Variants in NTNG2 observed in about 807,000 individuals in gnomAD.
NTNG2 encodes netrin-G2.
In NTNG2, 15 loss-of-function variants were observed where a neutral mutation model predicts 47.6. The observed-to-expected ratio is 0.32, with a 90% CI of 0.21 to 0.49. The LOEUF (loss-of-function observed/expected upper bound fraction) is 0.49. Among genes scored for constraint, NTNG2 ranks in the 20% least tolerant of loss-of-function variants. NTNG2 has a pLI of 0.99. For synonymous variants in NTNG2, 307 were observed against 324.6 expected (o/e 0.95, Z 0.58); for missense variants, 578 against 764.6 (o/e 0.76, Z 2.88).
chr9:132,164,149 G>C (rs1835318393), intron 1 of NTNG2, among the ~76,000 whole-genome samples: 1 of 152,228 alleles, frequency 6.6e-6, no homozygotes. Flanking sequence ...TGCGATGCCA[G>C]CAACGCCCAA....
rs1436340821 is a variant in NTNG2, at chr9:132,218,124, G to A, written c.858-8725G>A. ...CAGGCCACACAGCTGTGTGCACCAT[G>A]AGCTGGGCAGAAGCCCTGCCCACCA... is the stretch of plus-strand genomic sequence containing the variant. On this transcript the variant is annotated intron_variant, in intron 3 of 7. Transcript: ENST00000393229. The surrounding 1 kb of genome is among the most constrained non-coding windows in gnomAD (Gnocchi z 5.4). Among the ~76,000 whole-genome samples the A allele has an allele frequency of 6.6e-6, 1 of 152,206 alleles. No homozygotes were observed. The highest frequency in any genetic ancestry group is 1.5e-5 in the Non-Finnish European group (1 of 68,040).
At chr9:132,178,711 C>T (rs190506057) in intron 2 of NTNG2, among the ~76,000 whole-genome samples, 256 of 148,558 alleles carry the variant, frequency 1.7e-3, no homozygotes, top group African/African-American at 6.2e-3. Flanking sequence ...GAGGCTGAGG[C>T]GGGCGGATTG....
chr9:132,214,532 G>T (rs1479374389), intron 3 of NTNG2, among the ~76,000 whole-genome samples: 3 of 152,238 alleles, frequency 2.0e-5, no homozygotes, highest in South Asian at 4.1e-4. Context: ...GTCTCCAGGG[G>T]CTTACTAGGG....
intron 5 of NTNG2, 23 bp downstream of exon 5, chr9:132,230,618 T>A (rs369664742): frequency 3.1e-5 from 50 of 1,599,742 alleles, no homozygotes; most frequent in Non-Finnish European, 4.2e-5. Context: ...CTGGGGAGGG[T>A]GGCCAGGGCC....
rs143097071 is a variant in NTNG2 at position 132,182,361 on chromosome 9, C to T, written c.213+15317C>T. ...TGCCAAGGGAGGGCTCCAGGCCTGT[C>T]TGCTTGGCACGGGGCAGCCCTACCC... On this transcript the variant is annotated intron_variant, in intron 2 of 7. Coordinates refer to ENST00000393229, the MANE Select transcript of NTNG2 (RefSeq NM_032536.4). The surrounding 1 kb of genome is among the most constrained non-coding windows in gnomAD (Gnocchi z 4.2). Among the ~76,000 whole-genome samples, 304 of 152,282 alleles carry T rather than the reference C, an allele frequency of 2.0e-3. 1 individual carries two copies. The highest frequency in any genetic ancestry group is 6.9e-3 in the African/African-American group (287 of 41,570).
At chr9:132,217,242 G>A (rs1840055647) in intron 3 of NTNG2, among the ~76,000 whole-genome samples, 1 of 152,234 alleles carries the variant, frequency 6.6e-6, no homozygotes, top group Non-Finnish European at 1.5e-5. Flanking sequence ...TTATTTCTAT[G>A]TGCTTGCTTA....
chr9:132,181,788 G>A (rs1012280709), intron 2 of NTNG2, among the ~76,000 whole-genome samples: 1 of 152,240 alleles, frequency 6.6e-6, no homozygotes, highest in African/African-American at 2.4e-5. Flanking sequence ...GGAATCTCAG[G>A]TTCAGAGAAT....
At chr9:132,229,400 G>C (rs187051098) in intron 4 of NTNG2, among the ~76,000 whole-genome samples, 1 of 152,110 alleles carries the variant, frequency 6.6e-6, no homozygotes, top group African/African-American at 2.4e-5. Context: ...CCCTCCATCC[G>C]CTCCAAGTCT....
In NTNG2 at chr9:132,198,621, G is replaced by A. The variant is rs1002746516; in HGVS notation, c.857+12G>A. On this transcript the variant is annotated intron_variant, in intron 3 of 7. Coordinates refer to ENST00000393229, the MANE Select transcript of NTNG2 (RefSeq NM_032536.4). ...GAGGTCATCGGCAGGTAAGGCCGGGGGAAGCCCTGGATGTCACCTGCAACC... is the reference window on the plus strand; with the variant it reads ...GAGGTCATCGGCAGGTAAGGCCGGGAGAAGCCCTGGATGTCACCTGCAACC... The A allele has an allele frequency of 1.9e-6, 3 of 1,600,474 alleles. No homozygotes were observed. The highest frequency in any genetic ancestry group is 1.7e-5 in the Admixed American group (1 of 59,538).
rs1010251787 is a variant in NTNG2, at chr9:132,221,130, T to G, written c.858-5719T>G. 6.6e-6 allele frequency among the ~76,000 whole-genome samples: 1 copy of G among 152,138 alleles called. No homozygotes were observed. Among genetic ancestry groups the G allele is most frequent in the Non-Finnish European group, 1.5e-5 (1 of 68,038 alleles). ...GGAGGGAGAGTGTAGCAGGGGCTGA[T>G]TTGAGGTAGGGGTTGTGAAAGGCCT... On this transcript the variant is annotated intron_variant, in intron 3 of 7. Coordinates refer to ENST00000393229, the MANE Select transcript of NTNG2 (RefSeq NM_032536.4). The surrounding 1 kb of genome is among the most constrained non-coding windows in gnomAD (Gnocchi z 4.2).
rs548425891 is a variant in NTNG2 at position 132,173,664 on chromosome 9, A to G, written c.213+6620A>G. Among the ~76,000 whole-genome samples, 48 of 151,420 alleles carry G rather than the reference A, an allele frequency of 3.2e-4. 1 individual carries two copies. In the South Asian group the frequency reaches 8.6e-3, roughly 27 times the overall value. ...GATGGATGGACAGACGAACGGACAG[A>G]CAGGCAGGCCGCACCATGCTGCGGA... is the stretch of plus-strand genomic sequence containing the variant. On this transcript the variant is annotated intron_variant, in intron 2 of 7. Transcript: ENST00000393229.
intron 2 of NTNG2, among the ~76,000 whole-genome samples, chr9:132,177,961 A>G (rs1836607928): frequency 1.3e-5 from 2 of 152,118 alleles, no homozygotes; most frequent in African/African-American, 4.8e-5. Flanking sequence ...CTGGCCTCAA[A>G]TCTATTCCTC....
In NTNG2 at chr9:132,226,961, C is replaced by G. The variant is rs749409686; in HGVS notation, c.970C>G (p.Arg324Gly). The G allele has an allele frequency of 1.2e-6, 2 of 1,612,240 alleles. No homozygotes were observed. The highest frequency in any genetic ancestry group is 4.5e-5 in the East Asian group (2 of 44,840). Residue 324 changes from arginine (R) to glycine (G), a missense_variant, in exon 4 of 8, where the codon CGC becomes GGC. Physicochemically the swap from Arg to Gly is moderately radical, Grantham distance 125 (BLOSUM62 -2). Transcript: ENST00000393229. The surrounding 1 kb of genome is among the most constrained non-coding windows in gnomAD (Gnocchi z 4.8). ...PDCGKCKKNF[R>G]TRSWRAGSYL... ...CTGCGGCAAGTGCAAGAAGAATTTC[C>G]GCACCCGGTCCTGGCGGGCCGGCTC...
chr9:132,211,408 C>G (rs911016924), intron 3 of NTNG2, among the ~76,000 whole-genome samples: 5 of 152,086 alleles, frequency 3.3e-5, no homozygotes, highest in Non-Finnish European at 7.4e-5. Context: ...TTTTTTGTCC[C>G]TAAACACAAA....
At chr9:132,194,008 G>A (rs1838092184) in intron 2 of NTNG2, among the ~76,000 whole-genome samples, 1 of 152,162 alleles carries the variant, frequency 6.6e-6, no homozygotes, top group Non-Finnish European at 1.5e-5. Flanking sequence ...GATTGGACTA[G>A]GGCCAACCTG....
chr9:132,241,940 C>G lies in NTNG2; in HGVS notation c.1422C>G (p.Arg474=). 6.4e-7 allele frequency: 1 copy of G among 1,564,974 alleles called. No individual in the cohort carries two copies. The highest frequency in any genetic ancestry group is 8.6e-7 in the Non-Finnish European group (1 of 1,163,342). ...GAGGCACCTGCCTGCAGAACCAGCG[C>G]TGCGCCTGCCCGCGCGGCTACACCG... ...QNGGTCLQNQ[R]CACPRGYTGV... Residue 474 remains arginine (R), a synonymous_variant, in exon 8 of 8, where the codon CGC becomes CGG. Coordinates refer to ENST00000393229, the MANE Select transcript of NTNG2 (RefSeq NM_032536.4).
chr9:132,227,543 G>T (rs527696982), intron 4 of NTNG2, among the ~76,000 whole-genome samples: 1 of 152,262 alleles, frequency 6.6e-6, no homozygotes, highest in South Asian at 2.1e-4. Flanking sequence ...TGTTTGGAGC[G>T]AGCCACCAAG....
At chr9:132,227,786 G>T (rs1423537444) in intron 4 of NTNG2, among the ~76,000 whole-genome samples, 1 of 152,154 alleles carries the variant, frequency 6.6e-6, no homozygotes, top group Non-Finnish European at 1.5e-5. Flanking sequence ...CACCCACCCG[G>T]GCGCGCTAGC....
intron 3 of NTNG2, among the ~76,000 whole-genome samples, chr9:132,214,882 T>C (rs1276133237): frequency 6.6e-6 from 1 of 152,060 alleles, no homozygotes; most frequent in East Asian, 1.9e-4. Flanking sequence ...AAATTTTTTT[T>C]TTTTTTAGAG....
Sources: allele counts gnomAD v4.1 joint callset (sites outside exome capture counted in the v4.1 genomes callset), GRCh38; gene constraint gnomAD v4.1.1; non-coding constraint Gnocchi (gnomAD v3.1); transcripts MANE v1.5; gene names NCBI Gene and HGNC (gene_info 2026-07-23, HGNC 2026-07-21).